Variants in MCTP1 observed in about 807,000 individuals in gnomAD.
MCTP1 encodes multiple C2 and transmembrane domain containing 1, also known as multiple C2 and transmembrane domain-containing protein 1.
A neutral mutation model predicts 120.6 loss-of-function variants in MCTP1; 69 were observed. That is an observed-to-expected ratio of 0.57 (90% confidence interval 0.47 to 0.70). MCTP1 has a LOEUF of 0.70. MCTP1 is among the 30% of genes least tolerant of loss of function. The probability of loss-of-function intolerance (pLI) is 0.00; values close to 1 mark genes in which losing one functional copy is unlikely to be tolerated. For synonymous variants in MCTP1, 529 were observed against 493.1 expected (o/e 1.07, Z -0.96); for missense variants, 1,203 against 1,248.8 (o/e 0.96, Z 0.55).
intron 1 of MCTP1, among the ~76,000 whole-genome samples, chr5:95,214,122 A>T (rs540004404): frequency 1.3e-5 from 2 of 152,298 alleles, no homozygotes; most frequent in African/African-American, 2.4e-5. Flanking sequence ...TCATTTGACA[A>T]AGGGCTAATA....
chr5:95,011,526 G>A (rs1234208036), intron 2 of MCTP1, among the ~76,000 whole-genome samples: 2 of 151,984 alleles, frequency 1.3e-5, no homozygotes, highest in Non-Finnish European at 2.9e-5. Context: ...TCGATCACGG[G>A]GGCAGTTTCC....
At chr5:95,072,145 G>C (rs1752349920) in intron 1 of MCTP1, among the ~76,000 whole-genome samples, 1 of 146,918 alleles carries the variant, frequency 6.8e-6, no homozygotes, top group African/African-American at 2.5e-5. Flanking sequence ...TGATGCTAAA[G>C]CATATTTGGC....
At chr5:94,848,811 T>G (rs1375092542) in intron 17 of MCTP1, among the ~76,000 whole-genome samples, 2 of 151,928 alleles carry the variant, frequency 1.3e-5, no homozygotes, top group Non-Finnish European at 2.9e-5. Context: ...TAATATTTAT[T>G]TATTGCCAAT....
At chr5:95,160,068 G>A (rs765679631) in intron 1 of MCTP1, among the ~76,000 whole-genome samples, 2 of 152,172 alleles carry the variant, frequency 1.3e-5, no homozygotes, top group Admixed American at 1.3e-4. Context: ...GGCAGAAGAA[G>A]CCAGATCATG....
chr5:94,806,330 ATCTGT>A (rs1782281527), intron 17 of MCTP1, among the ~76,000 whole-genome samples: 1 of 152,190 alleles, frequency 6.6e-6, no homozygotes, highest in Non-Finnish European at 1.5e-5. Flanking sequence ...ACAAACAAAA[ATCTGT>A]TCTGCTGAGA....
intron 1 of MCTP1, chr5:95,154,293 T>C (rs992290513): frequency 2.0e-5 from 3 of 151,956 alleles, no homozygotes; most frequent in Admixed American, 6.6e-5. Flanking sequence ...TTAAGAGTAA[T>C]ACAATCAAAA....
At chr5:95,136,789 A>T (rs1759483819) in intron 1 of MCTP1, among the ~76,000 whole-genome samples, 1 of 152,218 alleles carries the variant, frequency 6.6e-6, no homozygotes, top group African/African-American at 2.4e-5. Context: ...CAGCCAGAGC[A>T]CTAACAGAGG....
At chr5:94,916,643 G>A (rs889840621) in intron 8 of MCTP1, among the ~76,000 whole-genome samples, 2 of 152,320 alleles carry the variant, frequency 1.3e-5, no homozygotes, top group South Asian at 4.1e-4. Flanking sequence ...GCTCTCCAAG[G>A]TAACTTCTGA....
At chr5:95,135,821 C>A (rs1185478820) in intron 1 of MCTP1, among the ~76,000 whole-genome samples, 1 of 152,162 alleles carries the variant, frequency 6.6e-6, no homozygotes, top group African/African-American at 2.4e-5. Flanking sequence ...CTCTAGGGAA[C>A]CCTGACTAAT....
chr5:95,179,380 T>A (rs1748364600), intron 1 of MCTP1, among the ~76,000 whole-genome samples: 1 of 152,172 alleles, frequency 6.6e-6, no homozygotes. Flanking sequence ...CACATAGTCA[T>A]CAGGTTATCT....
intron 17 of MCTP1, among the ~76,000 whole-genome samples, chr5:94,837,035 A>G (rs1354709767): frequency 6.6e-6 from 1 of 152,194 alleles, no homozygotes; most frequent in Non-Finnish European, 1.5e-5. Context: ...GACAGAAGCA[A>G]AAATGAGTCA....
chr5:94,807,456 A>T (rs1232205219), intron 17 of MCTP1, among the ~76,000 whole-genome samples: 1 of 152,226 alleles, frequency 6.6e-6, no homozygotes, highest in Non-Finnish European at 1.5e-5. Context: ...CCATCATCAG[A>T]GTTGGCAAAG....
intron 2 of MCTP1, among the ~76,000 whole-genome samples, chr5:95,014,358 T>C (rs1836663494): frequency 6.6e-6 from 1 of 152,126 alleles, no homozygotes. Flanking sequence ...CCCTTATGGA[T>C]GACTTGAGGG....
chr5:94,866,813 C>A (rs187879607), intron 17 of MCTP1, among the ~76,000 whole-genome samples: 3 of 151,246 alleles, frequency 2.0e-5, no homozygotes, highest in Non-Finnish European at 4.4e-5. Context: ...TCATTTTACG[C>A]GAGTGACCTC....
At chr5:94,940,637 C>CA (rs1182576791) in intron 4 of MCTP1, among the ~76,000 whole-genome samples, 29 of 145,392 alleles carry the variant, frequency 2.0e-4, no homozygotes, top group Non-Finnish European at 3.2e-4. Flanking sequence ...TACACATATA[C>CA]ATACACACAC....
chr5:95,283,588 T>C (rs1760493744), intron 1 of MCTP1, among the ~76,000 whole-genome samples: 2 of 152,270 alleles, frequency 1.3e-5, no homozygotes, highest in Non-Finnish European at 2.9e-5. Context: ...GTACCCACTT[T>C]AGGTCTAACT....
intron 6 of MCTP1, among the ~76,000 whole-genome samples, chr5:94,928,058 A>G (rs1314995511): frequency 6.6e-6 from 1 of 152,144 alleles, no homozygotes; most frequent in East Asian, 1.9e-4. Flanking sequence ...AACTATTCTA[A>G]ACTGTTATTG....
At chr5:95,186,293 T>C (rs1013919936) in intron 1 of MCTP1, among the ~76,000 whole-genome samples, 2 of 148,528 alleles carry the variant, frequency 1.3e-5, no homozygotes, top group African/African-American at 2.5e-5. Flanking sequence ...AAAAAAAAAC[T>C]CCCAGACCTA....
intron 1 of MCTP1, among the ~76,000 whole-genome samples, chr5:95,262,988 C>T (rs1289222004): frequency 6.6e-6 from 1 of 152,154 alleles, no homozygotes; most frequent in Non-Finnish European, 1.5e-5. Flanking sequence ...CTACAAGTGA[C>T]TCCTGCTTAG....
Sources: allele counts gnomAD v4.1 joint callset (sites outside exome capture counted in the v4.1 genomes callset), GRCh38; gene constraint gnomAD v4.1.1; transcripts MANE v1.5; gene names NCBI Gene and HGNC (gene_info 2026-07-23, HGNC 2026-07-21).